Variants in DHTKD1 observed in about 807,000 individuals in gnomAD.
The protein encoded by DHTKD1 is dehydrogenase E1 and transketolase domain containing 1, also known as 2-oxoadipate dehydrogenase complex component E1.
Under a neutral mutation model 101.8 loss-of-function variants are expected in DHTKD1, and 78 were observed. That is an observed-to-expected ratio of 0.77 (90% CI 0.64 to 0.93). DHTKD1 has a LOEUF of 0.93. Among genes scored for constraint, DHTKD1 ranks in the 40% least tolerant of loss-of-function variants. DHTKD1 has a pLI of 0.00. For synonymous variants in DHTKD1, 462 were observed against 450.3 expected (o/e 1.03, Z -0.33); for missense variants, 1,223 against 1,161.7 (o/e 1.05, Z -0.77).
chr10:12,075,764 G>A (rs944934137), intron 1 of DHTKD1, among the ~76,000 whole-genome samples: 1 of 152,008 alleles, frequency 6.6e-6, no homozygotes, highest in East Asian at 1.9e-4. Flanking sequence ...CAGGGAAAAA[G>A]AATTAAATCT....
chr10:12,082,722 A>T (rs1441829405), intron 2 of DHTKD1, among the ~76,000 whole-genome samples: 8 of 151,982 alleles, frequency 5.3e-5, no homozygotes, highest in Non-Finnish European at 1.2e-4. Flanking sequence ...TGTGGAAAAC[A>T]TAAAGCGACA....
chr10:12,116,770 C>T (rs1014187185), intron 13 of DHTKD1, among the ~76,000 whole-genome samples: 2 of 151,392 alleles, frequency 1.3e-5, no homozygotes, highest in African/African-American at 4.9e-5. Flanking sequence ...GATCATGGCT[C>T]ATTGCAACTT....
chr10:12,073,648 A>G (rs1337297838), intron 1 of DHTKD1, among the ~76,000 whole-genome samples: 2 of 152,144 alleles, frequency 1.3e-5, no homozygotes, highest in Non-Finnish European at 2.9e-5. Flanking sequence ...CTCATAAGCT[A>G]TCTCTCAATT....
chr10:12,090,387 TTTTTCC>T (rs1434937312), intron 5 of DHTKD1, among the ~76,000 whole-genome samples: 4 of 137,966 alleles, frequency 2.9e-5, no homozygotes, highest in Non-Finnish European at 4.8e-5. Flanking sequence ...CTTCCTTCCT[TTTTTCC>T]TTCCTTCCTT....
chr10:12,106,125 T>C, intron 10 of DHTKD1, 121 bp from the exon 11 acceptor site: 3 of 1,004,446 alleles, frequency 3.0e-6, no homozygotes, highest in South Asian at 1.5e-5. Flanking sequence ...ACAAAAAGAA[T>C]GTGGTGATGA....
intron 13 of DHTKD1, among the ~76,000 whole-genome samples, chr10:12,114,195 C>T (rs1628544): frequency 0.96 from 146,925 of 152,276 alleles, 71,123 homozygotes; most frequent in Middle Eastern, 1. Flanking sequence ...ATGCTAGTTT[C>T]CAAATAGAAA....
At chr10:12,088,443 G>T (rs1252040909) in intron 4 of DHTKD1, among the ~76,000 whole-genome samples, 1 of 151,282 alleles carries the variant, frequency 6.6e-6, no homozygotes, top group Non-Finnish European at 1.5e-5. Flanking sequence ...CTGCCCTCCA[G>T]CCTGGAAGAC....
intron 15 of DHTKD1, 122 bp downstream of exon 15, chr10:12,119,040 C>T (rs906428433): frequency 1.2e-5 from 11 of 932,080 alleles, no homozygotes; most frequent in Non-Finnish European, 1.5e-5. Context: ...GGCGCGGTGG[C>T]TCACACCTGT....
At chr10:12,120,648 T>C (rs1180660847) in intron 16 of DHTKD1, 139 bp from the exon 17 acceptor site, 1 of 757,226 alleles carries the variant, frequency 1.3e-6, no homozygotes, top group Non-Finnish European at 2.2e-6. Flanking sequence ...CTCTAATCTC[T>C]TCTGCGTAAC....
chr10:12,099,346 G>A (rs1399409153), intron 8 of DHTKD1, among the ~76,000 whole-genome samples: 1 of 152,064 alleles, frequency 6.6e-6, no homozygotes, highest in South Asian at 2.1e-4. Flanking sequence ...TCCCACCTCC[G>A]CAGAGGTAAC....
intron 1 of DHTKD1, among the ~76,000 whole-genome samples, chr10:12,075,650 G>T (rs1832715239): frequency 6.6e-6 from 1 of 152,126 alleles, no homozygotes; most frequent in Admixed American, 6.6e-5. Context: ...GATTACAGGT[G>T]TGAGCCACAA....
intron 6 of DHTKD1, among the ~76,000 whole-genome samples, chr10:12,092,765 T>C (rs1588610044): frequency 6.6e-6 from 1 of 151,882 alleles, no homozygotes; most frequent in Non-Finnish European, 1.5e-5. Flanking sequence ...ATCAGGCCAT[T>C]GCACTACAGC....
At chr10:12,118,531 C>T (rs1021035438) in intron 14 of DHTKD1, among the ~76,000 whole-genome samples, 2 of 151,932 alleles carry the variant, frequency 1.3e-5, no homozygotes, top group African/African-American at 2.4e-5. Flanking sequence ...TACAGGTGCC[C>T]GCCAGTACGC....
rs1252476024 is a variant in DHTKD1 at position 12,122,334 on chromosome 10, T to C, written c.*1446T>C. On this transcript the variant is annotated 3_prime_UTR_variant, in exon 17 of 17. Transcript: ENST00000263035. ...TTTGTGATGTTTAAAGAACATTTCT[T>C]GGCTGGGCGCTGCGGCTTGCGCCTG... 1.3e-5 allele frequency: 2 copies of C among 152,212 alleles called. No homozygotes were observed. Among genetic ancestry groups the C allele is most frequent in the Non-Finnish European group, 2.9e-5 (2 of 68,048 alleles). 9.4% of individuals were successfully genotyped at this position (152,212 alleles called of 1,614,324 possible). A position where few individuals can be genotyped will look rare whatever the true frequency, so the allele number is the denominator to read the frequency against.
At chr10:12,105,194 C>CT (rs1252563913) in intron 10 of DHTKD1, among the ~76,000 whole-genome samples, 1 of 152,030 alleles carries the variant, frequency 6.6e-6, no homozygotes, top group South Asian at 2.1e-4. Context: ...TTGTATTCTG[C>CT]TTTTTTTAAT....
Position 12,110,486 on chromosome 10 carries a change from G to T in DHTKD1, c.2155-2414G>T, listed in dbSNP as rs1233947824. Among the ~76,000 whole-genome samples, 1 of 152,066 alleles carries T rather than the reference G, an allele frequency of 6.6e-6. No individual in the cohort carries two copies. Among genetic ancestry groups the T allele is most frequent in the Non-Finnish European group, 1.5e-5 (1 of 68,034 alleles). ...GACACCCCTGATTCCTGATTCTAGA[G>T]AAAGGAAAGTGTATTTATTTAAACA... On this transcript the variant is annotated intron_variant, in intron 12 of 16. Coordinates refer to ENST00000263035, the MANE Select transcript of DHTKD1 (RefSeq NM_018706.7). This position sits in a 1 kb window ranked among gnomAD's most constrained non-coding sequence, Gnocchi z 4.9.
At chr10:12,106,545 C>T (rs546466169) in intron 11 of DHTKD1, 149 bp downstream of exon 11, 46 of 993,870 alleles carry the variant, frequency 4.6e-5, no homozygotes, top group Middle Eastern at 6.8e-4. Flanking sequence ...CCTGTTATGA[C>T]GGGAGTGTGG....
chr10:12,119,613 C>A, intron 15 of DHTKD1, among the ~76,000 whole-genome samples: 2 of 76,620 alleles, frequency 2.6e-5, no homozygotes, highest in Non-Finnish European at 5.1e-5. Flanking sequence ...GAGACTCCGT[C>A]TCAAAAAAAA....
chr10:12,096,025 G>T (rs937183612), intron 7 of DHTKD1, among the ~76,000 whole-genome samples: 4 of 151,752 alleles, frequency 2.6e-5, no homozygotes, highest in African/African-American at 9.7e-5. Context: ...AAAACAAGAA[G>T]AAAAGAAATT....
Sources: gnomAD v4.1 joint callset for allele counts (sites outside exome capture counted in the v4.1 genomes callset) on GRCh38, gnomAD v4.1.1 for gene constraint, Gnocchi (gnomAD v3.1) non-coding constraint, MANE v1.5 for transcripts, NCBI Gene and HGNC (gene_info 2026-07-23, HGNC 2026-07-21) for gene names.